CNTN5: variants seen among roughly 807,000 people sequenced by gnomAD.
CNTN5 encodes the protein contactin-5.
CNTN5 carries 77 observed loss-of-function variants against 129.1 expected under a neutral mutation model. The ratio of observed to expected loss-of-function variants is 0.60; its 90% confidence interval spans 0.50 to 0.72. CNTN5 has a LOEUF of 0.72. Among genes scored for constraint, CNTN5 ranks in the 30% least tolerant of loss-of-function variants. The pLI is 0.00. For synonymous variants in CNTN5, 509 were observed against 465.6 expected (o/e 1.09, Z -1.20); for missense variants, 1,478 against 1,328.8 (o/e 1.11, Z -1.75).
At chr11:99,376,548 G>C (rs1291758758) in intron 2 of CNTN5, among the ~76,000 whole-genome samples, 4 of 152,136 alleles carry the variant, frequency 2.6e-5, no homozygotes, top group Non-Finnish European at 2.9e-5. Context: ...TATCTCAGAT[G>C]TCTAACAATG....
At chr11:100,236,908 C>T (rs542379041) in intron 16 of CNTN5, among the ~76,000 whole-genome samples, 4 of 152,118 alleles carry the variant, frequency 2.6e-5, no homozygotes, top group East Asian at 1.9e-4. Flanking sequence ...GAAAGAACTC[C>T]GCTGGGCGCG....
At chr11:99,792,324 C>T (rs1432732508) in intron 3 of CNTN5, among the ~76,000 whole-genome samples, 2 of 152,036 alleles carry the variant, frequency 1.3e-5, no homozygotes, top group African/African-American at 4.8e-5. Context: ...TGAAATTTAT[C>T]AAAAGCCTTT....
At chr11:99,525,605 A>G (rs190670580) in intron 2 of CNTN5, among the ~76,000 whole-genome samples, 74 of 152,346 alleles carry the variant, frequency 4.9e-4, no homozygotes, top group African/African-American at 1.6e-3. Context: ...CTGAATTTGT[A>G]TGAAGAGAAT....
At chr11:99,523,597 GATAGAATAGA>G (rs541032430) in intron 2 of CNTN5, among the ~76,000 whole-genome samples, 4,700 of 127,486 alleles carry the variant, frequency 0.037, 272 homozygotes, top group African/African-American at 0.057. Flanking sequence ...CTCAAAGAAA[GATAGAATAGA>G]ATAGAATAGA....
chr11:100,138,236 T>C (rs12286834), intron 13 of CNTN5, among the ~76,000 whole-genome samples: 5,795 of 138,540 alleles, frequency 0.042, 363 homozygotes, highest in African/African-American at 0.15. Flanking sequence ...GGATATATAG[T>C]CCTGGCACTA....
At chr11:99,459,621 A>C (rs944883351) in intron 2 of CNTN5, among the ~76,000 whole-genome samples, 1 of 152,002 alleles carries the variant, frequency 6.6e-6, no homozygotes, top group Admixed American at 6.6e-5. Flanking sequence ...TGAACTCAAG[A>C]CTTCAGGAAT....
intron 2 of CNTN5, among the ~76,000 whole-genome samples, chr11:99,401,204 TA>T (rs1425940391): frequency 6.6e-6 from 1 of 152,164 alleles, no homozygotes; most frequent in Non-Finnish European, 1.5e-5. Flanking sequence ...AGTAGTTTAA[TA>T]GTTTGAGGTC....
At chr11:99,337,733 A>G (rs981996731) in intron 2 of CNTN5, among the ~76,000 whole-genome samples, 3 of 152,230 alleles carry the variant, frequency 2.0e-5, no homozygotes, top group Admixed American at 2.0e-4. Context: ...CCAACAAAAT[A>G]GTAAGTTACA....
chr11:100,195,156 TTTAAAATATCACATTTTGA>T (rs1350221930), intron 15 of CNTN5, among the ~76,000 whole-genome samples: 1 of 152,028 alleles, frequency 6.6e-6, no homozygotes, highest in Non-Finnish European at 1.5e-5. Context: ...AAAATTTAAT[TTTAAAATATCACATTTTGA>T]TTAAAAAATC....
intron 2 of CNTN5, among the ~76,000 whole-genome samples, chr11:99,404,816 T>C (rs560217887): frequency 5.3e-5 from 8 of 152,294 alleles, no homozygotes; most frequent in Admixed American, 4.6e-4. Flanking sequence ...CAGTGAGTTT[T>C]GTACCTTCAG....
chr11:99,160,748 GAGT>G (rs1860568913), intron 1 of CNTN5, among the ~76,000 whole-genome samples: 1 of 152,122 alleles, frequency 6.6e-6, no homozygotes, highest in Non-Finnish European at 1.5e-5. Context: ...ATACAAAGAT[GAGT>G]AAGACACAGA....
intron 4 of CNTN5, among the ~76,000 whole-genome samples, chr11:99,825,949 A>T (rs1946942528): frequency 2.0e-5 from 3 of 152,138 alleles, no homozygotes; most frequent in Admixed American, 2.0e-4. Flanking sequence ...CTTTCTTTTC[A>T]AATGTGCAAA....
chr11:100,071,739 T>G lies in CNTN5; in HGVS notation c.1334T>G (p.Ile445Ser). 6.3e-7 allele frequency: 1 copy of G among 1,598,638 alleles called. No individual in the cohort carries two copies. Among genetic ancestry groups the G allele is most frequent in the Non-Finnish European group, 8.5e-7 (1 of 1,171,456 alleles). The stretch of plus-strand genomic sequence containing the variant: ...GAGATGGTTAATGGAGTATTGATGA[T>G]CCACAATGTGAATCAATCAGATGCT... ...RVEMVNGVLM[I>S]HNVNQSDAGM... Residue 445 changes from isoleucine to serine, a missense_variant, in exon 12 of 25, where the codon ATC (isoleucine) becomes AGC (serine). By Grantham distance (142) the Ile-to-Ser change is moderately radical. Coordinates refer to ENST00000524871, the MANE Select transcript of CNTN5 (RefSeq NM_014361.4).
rs967774766 is a variant in CNTN5, at chr11:100,358,254, A to G, written c.*2034A>G. 9 of 151,870 alleles carry G rather than the reference A, an allele frequency of 5.9e-5. No homozygotes were observed. The highest frequency in any genetic ancestry group is 2.2e-4 in the African/African-American group (9 of 41,426). 9.4% of individuals were successfully genotyped at this position (151,870 alleles called of 1,614,324 possible). On this transcript the variant is annotated 3_prime_UTR_variant, in exon 25 of 25. Transcript: ENST00000524871. ...CTTTAAGAATCAACTTCTTACTTAC[A>G]CTCTCAGAAAGCAAAGCCCAGTAAA... is the stretch of plus-strand genomic sequence containing the variant.
At chr11:99,583,582 C>T (rs566270668) in intron 3 of CNTN5, among the ~76,000 whole-genome samples, 32 of 152,322 alleles carry the variant, frequency 2.1e-4, no homozygotes, top group African/African-American at 7.5e-4. Context: ...GACTGCTGTG[C>T]TAGCAATGAG....
At chr11:100,000,168 ATAAAT>A (rs1201741340) in intron 8 of CNTN5, among the ~76,000 whole-genome samples, 1 of 150,212 alleles carries the variant, frequency 6.7e-6, no homozygotes, top group Non-Finnish European at 1.5e-5. Context: ...AATAATAAAA[ATAAAT>A]AAATAAATAA....
intron 1 of CNTN5, among the ~76,000 whole-genome samples, chr11:99,299,383 A>C (rs1864525302): frequency 6.6e-6 from 1 of 152,210 alleles, no homozygotes; most frequent in Non-Finnish European, 1.5e-5. Flanking sequence ...AAAATTATAA[A>C]GTTGGCAAGT....
intron 8 of CNTN5, among the ~76,000 whole-genome samples, chr11:99,959,819 A>T (rs953554075): frequency 2.3e-4 from 35 of 152,230 alleles, no homozygotes; most frequent in Admixed American, 2.0e-3. Flanking sequence ...AATTTCTGTT[A>T]CATCGTTCAG....
intron 13 of CNTN5, among the ~76,000 whole-genome samples, chr11:100,186,658 A>G (rs1453265201): frequency 6.6e-6 from 1 of 152,094 alleles, no homozygotes; most frequent in Non-Finnish European, 1.5e-5. Flanking sequence ...ATGCTGATTT[A>G]AATTTCCAAA....
Sources: allele counts gnomAD v4.1 joint callset (sites outside exome capture counted in the v4.1 genomes callset), GRCh38; gene constraint gnomAD v4.1.1; transcripts MANE v1.5; gene names NCBI Gene and HGNC (gene_info 2026-07-23, HGNC 2026-07-21).